GABRB2: variants seen among roughly 807,000 people sequenced by gnomAD.
GABRB2 encodes the protein gamma-aminobutyric acid type A receptor subunit beta2.
Under a neutral mutation model 54.7 loss-of-function variants are expected in GABRB2, and 16 were observed. The observed-to-expected ratio is 0.29, with a 90% CI of 0.20 to 0.44. The LOEUF is 0.44. Ranked by LOEUF, GABRB2 falls within the 20% of genes least tolerant of loss-of-function variation. The probability of loss-of-function intolerance (pLI) is 1.00; values close to 1 mark genes in which losing one functional copy is unlikely to be tolerated. For missense variants in GABRB2, 355 were observed against 644.0 expected (o/e 0.55, Z 4.86); for synonymous variants, 244 against 233.8 (o/e 1.04, Z -0.40).
intron 2 of GABRB2, among the ~76,000 whole-genome samples, chr5:161,545,660 C>G (rs960620035): frequency 1.3e-5 from 2 of 151,906 alleles, no homozygotes; most frequent in East Asian, 1.9e-4. Context: ...TTTCCCACCC[C>G]CTTCTGTGCA....
At chr5:161,452,527 C>T (rs1318609396) in intron 4 of GABRB2, among the ~76,000 whole-genome samples, 1 of 152,094 alleles carries the variant, frequency 6.6e-6, no homozygotes, top group African/African-American at 2.4e-5. Context: ...ATGTCAACAC[C>T]AGATTAAATC....
chr5:161,325,277 G>A (rs974013398), intron 9 of GABRB2, among the ~76,000 whole-genome samples: 2 of 152,142 alleles, frequency 1.3e-5, no homozygotes, highest in African/African-American at 4.8e-5. Context: ...CACAGACATA[G>A]TAGGTGATGG....
chr5:161,536,660 G>A (rs192337232), intron 3 of GABRB2, among the ~76,000 whole-genome samples: 3 of 152,112 alleles, frequency 2.0e-5, no homozygotes, highest in East Asian at 1.9e-4. Flanking sequence ...GCAGTGGCAC[G>A]ATCTCGGCTC....
intron 7 of GABRB2, among the ~76,000 whole-genome samples, chr5:161,331,973 G>A (rs1753858779): frequency 6.6e-6 from 1 of 151,810 alleles, no homozygotes. Context: ...AGACCATCCT[G>A]GCTAACACGG....
chr5:161,457,503 T>C (rs1437529924), intron 4 of GABRB2, among the ~76,000 whole-genome samples: 2 of 151,124 alleles, frequency 1.3e-5, no homozygotes, highest in African/African-American at 2.4e-5. Context: ...TGGAGTGCAG[T>C]GGCGCGATCT....
At chr5:161,358,528 A>G (rs962289989) in intron 5 of GABRB2, among the ~76,000 whole-genome samples, 5 of 152,200 alleles carry the variant, frequency 3.3e-5, no homozygotes, top group East Asian at 1.9e-4. Flanking sequence ...TTGTCAGTAG[A>G]GAAGTAAAAA....
intron 5 of GABRB2, among the ~76,000 whole-genome samples, chr5:161,386,485 G>A (rs944645708): frequency 1.1e-4 from 17 of 152,058 alleles, no homozygotes; most frequent in African/African-American, 4.1e-4. Context: ...AACTTAAGGA[G>A]ATCAACTTGT....
intron 9 of GABRB2, among the ~76,000 whole-genome samples, chr5:161,304,685 GT>G (rs11296794): frequency 0.51 from 75,555 of 148,132 alleles, 21,084 homozygotes; most frequent in African/African-American, 0.76. Flanking sequence ...TCACTGATTT[GT>G]TTTTTTTTTT....
intron 7 of GABRB2, among the ~76,000 whole-genome samples, chr5:161,334,029 A>G (rs1410819232): frequency 1.3e-5 from 2 of 152,198 alleles, no homozygotes; most frequent in African/African-American, 2.4e-5. Context: ...TTTAACAATT[A>G]CTTGTTGAAT....
chr5:161,303,905 C>G (rs1312130826), intron 9 of GABRB2, among the ~76,000 whole-genome samples: 1 of 152,202 alleles, frequency 6.6e-6, no homozygotes. Context: ...TTTCAATCCT[C>G]TAACTATAAG....
chr5:161,369,695 A>G (rs2113465772), intron 5 of GABRB2, among the ~76,000 whole-genome samples: 2 of 152,288 alleles, frequency 1.3e-5, no homozygotes, highest in East Asian at 3.9e-4. Context: ...CAAACTTCAC[A>G]TGGAATTTTC....
At chr5:161,418,749 G>A (rs903056865) in intron 4 of GABRB2, among the ~76,000 whole-genome samples, 5 of 152,016 alleles carry the variant, frequency 3.3e-5, no homozygotes, top group African/African-American at 4.8e-5. Context: ...ATCTGACAAC[G>A]ACTAATATCC....
chr5:161,412,736 C>A (rs570957367), intron 4 of GABRB2, among the ~76,000 whole-genome samples: 1 of 152,282 alleles, frequency 6.6e-6, no homozygotes, highest in South Asian at 2.1e-4. Context: ...ACGTGTCTCC[C>A]TGATCTTTAT....
At chr5:161,321,660 T>C (rs906441614) in intron 9 of GABRB2, among the ~76,000 whole-genome samples, 6 of 152,154 alleles carry the variant, frequency 3.9e-5, no homozygotes, top group Non-Finnish European at 8.8e-5. Context: ...TAGGTTATAC[T>C]TTCTCCCTCT....
chr5:161,539,960 A>G (rs1467054243), intron 3 of GABRB2, among the ~76,000 whole-genome samples: 1 of 152,234 alleles, frequency 6.6e-6, no homozygotes, highest in African/African-American at 2.4e-5. Context: ...CTTTCTGCTG[A>G]TAGAATGTCT....
At chr5:161,504,340 C>A (rs1759537463) in intron 3 of GABRB2, among the ~76,000 whole-genome samples, 1 of 152,132 alleles carries the variant, frequency 6.6e-6, no homozygotes, top group Non-Finnish European at 1.5e-5. Flanking sequence ...AAACTAATGT[C>A]ATTTACTGTA....
intron 3 of GABRB2, among the ~76,000 whole-genome samples, chr5:161,533,054 CTTCAAT>C (rs1216459245): frequency 6.6e-6 from 1 of 152,076 alleles, no homozygotes; most frequent in African/African-American, 2.4e-5. Flanking sequence ...GTCATTTCAT[CTTCAAT>C]TGCCCAGACA....
intron 4 of GABRB2, among the ~76,000 whole-genome samples, chr5:161,438,939 T>C (rs1230708172): frequency 6.6e-6 from 1 of 151,658 alleles, no homozygotes. Context: ...AATCTAAGAG[T>C]TATTGGCCTT....
intron 3 of GABRB2, among the ~76,000 whole-genome samples, chr5:161,467,143 G>T (rs1324569540): frequency 6.6e-6 from 1 of 151,994 alleles, no homozygotes; most frequent in African/African-American, 2.4e-5. Flanking sequence ...TACCATTACT[G>T]AACTAAAATC....
Sources: allele counts gnomAD v4.1 joint callset (sites outside exome capture counted in the v4.1 genomes callset), GRCh38; gene constraint gnomAD v4.1.1; transcripts MANE v1.5; gene names NCBI Gene and HGNC (gene_info 2026-07-23, HGNC 2026-07-21).